Variants in AJAP1 observed in about 807,000 individuals in gnomAD.
AJAP1 encodes adherens junction-associated protein 1.
A neutral mutation model predicts 35.0 loss-of-function variants in AJAP1; 5 were observed. That is an observed-to-expected ratio of 0.14 (90% CI 0.07 to 0.30). The LOEUF is 0.30. Ranked by LOEUF, AJAP1 falls within the 10% of genes least tolerant of loss-of-function variation. AJAP1 has a pLI of 1.00. For synonymous variants in AJAP1, 284 were observed against 249.3 expected (o/e 1.14, Z -1.31); for missense variants, 586 against 571.0 (o/e 1.03, Z -0.27).
At chr1:4,711,200 C>A (rs1324902517) in intron 1 of AJAP1, 1 of 152,308 alleles carries the variant, frequency 6.6e-6, no homozygotes, top group Non-Finnish European at 1.5e-5. Flanking sequence ...AGAAGCCTTC[C>A]CATGCAGAGC....
chr1:4,787,097 C>G lies in AJAP1; in HGVS notation c.*4612C>G, dbSNP rs1012163193. On this transcript the variant is annotated 3_prime_UTR_variant, in exon 6 of 6. Coordinates refer to ENST00000378191, the MANE Select transcript of AJAP1 (RefSeq NM_018836.4). ...GAGAGAAACAACCCGTTCTGCATCA[C>G]CATAATGAACCGATCAGTCATTCAT... 3 of 152,416 alleles carry G rather than the reference C, an allele frequency of 2.0e-5. No individual in the cohort carries two copies. Among genetic ancestry groups the G allele is most frequent in the African/African-American group, 7.2e-5 (3 of 41,458 alleles). 9.4% of individuals were successfully genotyped at this position (152,416 alleles called of 1,614,324 possible).
At chr1:4,756,579 C>T (rs1361845014) in intron 2 of AJAP1, among the ~76,000 whole-genome samples, 2 of 152,162 alleles carry the variant, frequency 1.3e-5, no homozygotes, top group Non-Finnish European at 2.9e-5. Flanking sequence ...GTGAGTGGAA[C>T]CCAAGACAGA....
At chr1:4,727,553 A>G (rs1570162844) in intron 2 of AJAP1, among the ~76,000 whole-genome samples, 2 of 152,186 alleles carry the variant, frequency 1.3e-5, no homozygotes, top group East Asian at 3.9e-4. Flanking sequence ...ACCCCTGGGC[A>G]GCAGAGGCGT....
intron 2 of AJAP1, among the ~76,000 whole-genome samples, chr1:4,738,435 G>T (rs779574784): frequency 6.6e-6 from 1 of 152,254 alleles, no homozygotes; most frequent in African/African-American, 2.4e-5. Flanking sequence ...GGGTGATTAG[G>T]GGGTAGCTGG....
At chr1:4,756,127 C>T (rs3820255) in intron 2 of AJAP1, among the ~76,000 whole-genome samples, 1 of 152,128 alleles carries the variant, frequency 6.6e-6, no homozygotes, top group Non-Finnish European at 1.5e-5. Flanking sequence ...GGCAGAGGAT[C>T]TTTGTCACTG....
In AJAP1 at chr1:4,723,211, G is replaced by C. The variant is rs141245106; in HGVS notation, c.829+10512G>C. 3.9e-5 allele frequency among the ~76,000 whole-genome samples: 6 copies of C among 152,296 alleles called. No individual in the cohort carries two copies. The highest frequency in any genetic ancestry group is 5.9e-5 in the Non-Finnish European group (4 of 68,028). ...GCATTTAATTGAGAGGCAGAAGCTG[G>C]GGAGCAGCAGATTGGAAGGAGCCCT... On this transcript the variant is annotated intron_variant, in intron 2 of 5. Transcript: ENST00000378191. The surrounding 1 kb of genome is among the most constrained non-coding windows in gnomAD (Gnocchi z 4.3).
chr1:4,759,771 A>G (rs1641522725), intron 2 of AJAP1, among the ~76,000 whole-genome samples: 1 of 152,170 alleles, frequency 6.6e-6, no homozygotes, highest in Non-Finnish European at 1.5e-5. Context: ...TGACCATTTT[A>G]TAAGCTAAAC....
rs558206856 is a variant in AJAP1 at position 4,710,395 on chromosome 1, ACT to A, written c.30-1501_30-1500del. On this transcript the variant is annotated intron_variant, in intron 1 of 5. Transcript: ENST00000378191. ...TCTTTACACTCATGTATGCTGGCTC[ACT>A]CTCACACTGGCACACTCACACAGCT... Among the ~76,000 whole-genome samples, 19 of 151,996 alleles carry A rather than the reference ACT, an allele frequency of 1.3e-4. No individual in the cohort carries two copies. In the East Asian group the frequency reaches 3.3e-3, roughly 26 times the overall value.
intron 4 of AJAP1, among the ~76,000 whole-genome samples, chr1:4,772,928 A>G (rs1031506003): frequency 5.3e-5 from 8 of 152,210 alleles, no homozygotes; most frequent in African/African-American, 1.7e-4. Flanking sequence ...AGCCCTGTCA[A>G]TAAAATGTCA....
chr1:4,661,669 CA>C (rs1263800576), intron 1 of AJAP1, among the ~76,000 whole-genome samples: 1 of 152,152 alleles, frequency 6.6e-6, no homozygotes, highest in Non-Finnish European at 1.5e-5. Flanking sequence ...ACAACAACAA[CA>C]AAAAATAAAA....
chr1:4,760,000 C>T (rs1020275356), intron 2 of AJAP1, among the ~76,000 whole-genome samples: 1 of 152,150 alleles, frequency 6.6e-6, no homozygotes, highest in African/African-American at 2.4e-5. Context: ...GCAGCGAGGC[C>T]GACTTCCTTC....
rs1638886604 is a variant in AJAP1, at chr1:4,656,553, G to GC, written c.29+1100dup. On this transcript the variant is annotated intron_variant, in intron 1 of 5. Transcript: ENST00000378191. The surrounding 1 kb of genome is among the most constrained non-coding windows in gnomAD (Gnocchi z 5.7). The stretch of plus-strand genomic sequence containing the variant: ...GCCGCCCCCACTCAGGGATGAAGCT[G>GC]CGGGGGGAGTGAGGCGAAGGGAGGG... 6.6e-6 allele frequency among the ~76,000 whole-genome samples: 1 copy of GC among 152,226 alleles called. No individual in the cohort carries two copies. Among genetic ancestry groups the GC allele is most frequent in the South Asian group, 2.1e-4 (1 of 4,832 alleles).
intron 2 of AJAP1, among the ~76,000 whole-genome samples, chr1:4,730,031 C>T (rs150365468): frequency 0.022 from 3,293 of 152,272 alleles, 48 homozygotes; most frequent in Middle Eastern, 0.044. Flanking sequence ...ATGACCCCCA[C>T]GCAACCCCAG....
chr1:4,746,819 C>T (rs2100325534), intron 2 of AJAP1, among the ~76,000 whole-genome samples: 1 of 152,304 alleles, frequency 6.6e-6, no homozygotes, highest in Admixed American at 6.5e-5. Flanking sequence ...GCTCCCCAGC[C>T]TGGGAAATTG....
rs1321152117 is a variant in AJAP1 at position 4,788,771 on chromosome 1, C to G, written c.*6286C>G. 1 of 152,170 alleles carries G rather than the reference C, an allele frequency of 6.6e-6. No homozygotes were observed. Among genetic ancestry groups the G allele is most frequent in the Non-Finnish European group, 1.5e-5 (1 of 68,050 alleles). The allele number at this position is 152,170 out of a possible 1,614,324, so 9.4% of individuals were successfully genotyped here. On this transcript the variant is annotated 3_prime_UTR_variant, in exon 6 of 6. Transcript: ENST00000378191. ...CAATGGCCCCCAGAATATCCAGTGA[C>G]CCAAGTGATGTTAGTCTTAGGGTCC... is the stretch of plus-strand genomic sequence containing the variant.
chr1:4,677,829 T>A (rs1639395574), intron 1 of AJAP1, among the ~76,000 whole-genome samples: 1 of 152,226 alleles, frequency 6.6e-6, no homozygotes, highest in Non-Finnish European at 1.5e-5. Flanking sequence ...ATGACACAGT[T>A]CCTTTCTCTG....
chr1:4,778,470 C>A (rs1260251577), intron 5 of AJAP1, among the ~76,000 whole-genome samples: 2 of 152,160 alleles, frequency 1.3e-5, no homozygotes, highest in African/African-American at 4.8e-5. Context: ...CCTCCTGGGC[C>A]AGGGGCTGTG....
In AJAP1 at chr1:4,729,108, C is replaced by T. The variant is rs558833269; in HGVS notation, c.829+16409C>T. On this transcript the variant is annotated intron_variant, in intron 2 of 5. Transcript: ENST00000378191. The stretch of plus-strand genomic sequence containing the variant: ...ATCATTGAAATGAATTATACATCAA[C>T]ACCAAGAGACGGATCATTAATTAAT... Among the ~76,000 whole-genome samples the T allele has an allele frequency of 6.6e-5, 10 of 152,360 alleles. No individual in the cohort carries two copies. In the South Asian group the frequency reaches 1.7e-3, roughly 25 times the overall value.
At chr1:4,771,478 G>A (rs1390817912) in intron 3 of AJAP1, among the ~76,000 whole-genome samples, 1 of 152,196 alleles carries the variant, frequency 6.6e-6, no homozygotes, top group Non-Finnish European at 1.5e-5. Flanking sequence ...CCCCAATGCG[G>A]GGAGACGTCC....
Sources: allele counts gnomAD v4.1 joint callset (sites outside exome capture counted in the v4.1 genomes callset), GRCh38; gene constraint gnomAD v4.1.1; non-coding constraint Gnocchi (gnomAD v3.1); transcripts MANE v1.5; gene names NCBI Gene and HGNC (gene_info 2026-07-23, HGNC 2026-07-21).